The following MORC3 variants were observed in gnomAD, a reference collection of about 807,000 sequenced individuals.
The protein encoded by MORC3 is MORC family CW-type zinc finger 3.
A neutral mutation model predicts 109.1 loss-of-function variants in MORC3; 31 were observed. The ratio of observed to expected loss-of-function variants is 0.28; its 90% CI spans 0.21 to 0.38. MORC3 has a LOEUF of 0.38. Ranked by LOEUF, MORC3 falls within the 10% of genes least tolerant of loss-of-function variation. The probability of loss-of-function intolerance (pLI) is 1.00; values close to 1 mark genes in which losing one functional copy is unlikely to be tolerated. For synonymous variants in MORC3, 395 were observed against 380.7 expected (o/e 1.04, Z -0.44); for missense variants, 867 against 1,135.8 (o/e 0.76, Z 3.40).
Position 36,362,204 on chromosome 21 carries a change from C to T in MORC3, c.1428C>T (p.Ile476=), listed in dbSNP as rs1232247623. The T allele has an allele frequency of 1.2e-6, 2 of 1,609,880 alleles. No homozygotes were observed. Among genetic ancestry groups the T allele is most frequent in the East Asian group, 4.5e-5 (2 of 44,752 alleles). The change falls in exon 13 of 17, where the codon ATC becomes ATT. Residue 476 remains isoleucine (I), a synonymous_variant. Transcript: ENST00000400485. ...YKKTNKEKFR[I]RQPEMIPRIN... is the part of the protein sequence containing the mutation. ...AAAGCAACAAGGAAAAATTCAGGATCAGACAACCGGAAATGATCCCTCGGG... is the reference window on the plus strand; with the variant it reads ...AAAGCAACAAGGAAAAATTCAGGATTAGACAACCGGAAATGATCCCTCGGG...
chr21:36,370,635 ATATATTTTTTTTTTT>A (rs1268699746), intron 15 of MORC3, among the ~76,000 whole-genome samples: 81 of 41,994 alleles, frequency 1.9e-3, no homozygotes, highest in South Asian at 7.2e-3. Context: ...ATATATATAT[ATATATTTTTTTTTTT>A]TTTTTTTTTT....
chr21:36,320,472 G>C, intron 1 of MORC3, 169 bp downstream of exon 1: 1 of 579,920 alleles, frequency 1.7e-6, no homozygotes, highest in Non-Finnish European at 2.5e-6. Flanking sequence ...GGAACAGCTC[G>C]GCTGCGGGCC....
chr21:36,338,471 T>G lies in MORC3; in HGVS notation c.461-303T>G, dbSNP rs574717782. Among the ~76,000 whole-genome samples the G allele has an allele frequency of 2.0e-5, 3 of 152,106 alleles. No individual in the cohort carries two copies. In the East Asian group the frequency reaches 5.8e-4, roughly 29 times the overall value. ...GGGAGGCCAAGACAGAAGGATTGCTTGAGCCCGGAATTTTGAGACCAGCCC... is the reference window on the plus strand; with the variant it reads ...GGGAGGCCAAGACAGAAGGATTGCTGGAGCCCGGAATTTTGAGACCAGCCC... On this transcript the variant is annotated intron_variant, in intron 4 of 16. Transcript: ENST00000400485.
intron 9 of MORC3, among the ~76,000 whole-genome samples, chr21:36,353,755 ATTTTTTTTT>A (rs1202729285): frequency 4.2e-5 from 3 of 71,006 alleles, no homozygotes; most frequent in Admixed American, 2.1e-4. Flanking sequence ...TAATTTTTGT[ATTTTTTTTT>A]TTTTTTTTTT....
intron 1 of MORC3, among the ~76,000 whole-genome samples, chr21:36,324,729 G>A (rs867835590): frequency 3.7e-5 from 5 of 134,394 alleles, no homozygotes; most frequent in East Asian, 2.1e-4. Flanking sequence ...TTTTTGAGCC[G>A]GGAGTTTCAC....
chr21:36,322,453 C>T lies in MORC3; in HGVS notation c.39+2150C>T, dbSNP rs541992301. Reference sequence around the variant, plus strand: ...GTGGCACGATCTCGGCTCACTGCAGCCTCCACCTCCCGGATTCAAGCACTT... The same window carrying T: ...GTGGCACGATCTCGGCTCACTGCAGTCTCCACCTCCCGGATTCAAGCACTT... On this transcript the variant is annotated intron_variant, in intron 1 of 16. Transcript: ENST00000400485. Among the ~76,000 whole-genome samples, 3 of 152,278 alleles carry T rather than the reference C, an allele frequency of 2.0e-5. No individual in the cohort carries two copies. In the East Asian group the frequency reaches 5.8e-4, roughly 29 times the overall value.
chr21:36,347,701 G>A (rs1475870706), intron 8 of MORC3, among the ~76,000 whole-genome samples: 1 of 152,212 alleles, frequency 6.6e-6, no homozygotes, highest in African/African-American at 2.4e-5. Flanking sequence ...GCTTCTTAGA[G>A]AAAGTGTTGA....
chr21:36,349,257 A>G, intron 8 of MORC3, 54 bp from the exon 9 acceptor site: 1 of 1,156,286 alleles, frequency 8.6e-7, no homozygotes, highest in South Asian at 1.3e-5. Context: ...AAGGGTAATT[A>G]TTTTGAGCAT....
At chr21:36,325,465 AAC>A (rs1301876334) in intron 1 of MORC3, among the ~76,000 whole-genome samples, 1 of 152,224 alleles carries the variant, frequency 6.6e-6, no homozygotes, top group East Asian at 1.9e-4. Context: ...ATTGTAATAA[AAC>A]ACATGTAGCA....
intron 1 of MORC3, among the ~76,000 whole-genome samples, chr21:36,322,522 C>T (rs2085204992): frequency 6.6e-6 from 1 of 152,092 alleles, no homozygotes; most frequent in Non-Finnish European, 1.5e-5. Flanking sequence ...CACGCGTGGG[C>T]CACCACACCC....
intron 14 of MORC3, among the ~76,000 whole-genome samples, chr21:36,364,622 G>A (rs951060647): frequency 3.3e-5 from 5 of 151,498 alleles, no homozygotes; most frequent in Non-Finnish European, 7.4e-5. Flanking sequence ...CCCCAGCCTG[G>A]GCAACAAGAG....
intron 12 of MORC3, among the ~76,000 whole-genome samples, chr21:36,361,463 C>T (rs1029130518): frequency 5.2e-5 from 7 of 134,318 alleles, no homozygotes; most frequent in African/African-American, 1.9e-4. Context: ...GAATCACTTG[C>T]ACCCAGGAGG....
At chr21:36,360,408 A>G in intron 12 of MORC3, 150 bp downstream of exon 12, 1 of 733,882 alleles carries the variant, frequency 1.4e-6, no homozygotes. Context: ...GGCTTTAAAA[A>G]CAAAAACTTA....
In MORC3 at chr21:36,369,024, G is replaced by T; in HGVS notation, c.1656G>T (p.Leu552Phe). Reference sequence around the variant, plus strand: ...GACTTTCTACTCGTTCCTCAATTTTGAATGCAAAGAATCGGAGATTGAGTA... The same window carrying T: ...GACTTTCTACTCGTTCCTCAATTTTTAATGCAAAGAATCGGAGATTGAGTA... ...KRRLSTRSSI[L>F]NAKNRRLSSQ... The change falls in exon 15 of 17, where the codon TTG (leucine) becomes TTT (phenylalanine). Residue 552 changes from leucine to phenylalanine, a missense_variant. Leu to Phe is a conservative substitution (Grantham distance 22). Transcript: ENST00000400485. 6.2e-7 allele frequency: 1 copy of T among 1,611,184 alleles called. No homozygotes were observed. The highest frequency in any genetic ancestry group is 1.1e-5 in the South Asian group (1 of 90,782).
chr21:36,374,717 C>T (rs1368904672), intron 16 of MORC3, among the ~76,000 whole-genome samples: 1 of 152,238 alleles, frequency 6.6e-6, no homozygotes, highest in African/African-American at 2.4e-5. Flanking sequence ...ATTGCGTGAA[C>T]CCTGGAGAGC....
chr21:36,336,011 C>T (rs1301394790), intron 2 of MORC3, among the ~76,000 whole-genome samples: 3 of 151,438 alleles, frequency 2.0e-5, no homozygotes, highest in Non-Finnish European at 2.9e-5. Flanking sequence ...TTGCAACCTC[C>T]GCCTCCTGGG....
chr21:36,334,532 T>C (rs749832711), intron 2 of MORC3, among the ~76,000 whole-genome samples: 19 of 152,166 alleles, frequency 1.2e-4, no homozygotes, highest in Non-Finnish European at 2.5e-4. Flanking sequence ...ACTCCTGGGC[T>C]CAGGCGATCC....
chr21:36,320,632 C>T (rs1012923191), intron 1 of MORC3: 8 of 269,316 alleles, frequency 3.0e-5, no homozygotes, highest in Non-Finnish European at 5.5e-5. Context: ...CTCTCGGGGC[C>T]GCGGGGCCCC....
At chr21:36,343,402 G>GT (rs2085472696) in intron 6 of MORC3, among the ~76,000 whole-genome samples, 2 of 149,078 alleles carry the variant, frequency 1.3e-5, no homozygotes, top group South Asian at 2.1e-4. Context: ...CCAATATCAA[G>GT]TTTTTTAGTT....
Sources: allele counts gnomAD v4.1 joint callset (sites outside exome capture counted in the v4.1 genomes callset), GRCh38; gene constraint gnomAD v4.1.1; transcripts MANE v1.5; gene names NCBI Gene and HGNC (gene_info 2026-07-23, HGNC 2026-07-21).